The following KIF1B variants were observed in gnomAD, a reference collection of about 807,000 sequenced individuals.
KIF1B encodes kinesin-like protein KIF1B.
In KIF1B, 76 loss-of-function variants were observed where a neutral mutation model predicts 241.9. The observed-to-expected ratio is 0.31, with a 90% confidence interval of 0.26 to 0.38. The LOEUF (loss-of-function observed/expected upper bound fraction) is 0.38. Among genes scored for constraint, KIF1B ranks in the 10% least tolerant of loss-of-function variants. The probability of loss-of-function intolerance (pLI) is 1.00; values close to 1 mark genes in which losing one functional copy is unlikely to be tolerated. For synonymous variants in KIF1B, 750 were observed against 796.7 expected (o/e 0.94, Z 0.99); for missense variants, 1,622 against 2,271.4 (o/e 0.71, Z 5.81).
In KIF1B at chr1:10,269,514, CA is replaced by C. The variant is rs1324325927; in HGVS notation, c.720+1266del. On this transcript the variant is annotated intron_variant, in intron 7 of 48. Coordinates refer to ENST00000676179, the MANE Select transcript of KIF1B (RefSeq NM_001365951.3). ...TGGGTGACAGAGCGAGACTCTGTCT[CA>C]AAAAAAAAAAAAAACACACTCCTAC... 6.1e-3 allele frequency among the ~76,000 whole-genome samples: 497 copies of C among 80,918 alleles called. 3 individuals carry two copies. In the Middle Eastern group the frequency reaches 0.081, roughly 13 times the overall value. 53.1% of individuals were successfully genotyped at this position (80,918 alleles called of 152,430 possible).
chr1:10,308,106 C>G, intron 22 of KIF1B: 1 of 1,060,656 alleles, frequency 9.4e-7, no homozygotes, highest in Non-Finnish European at 1.1e-6. Flanking sequence ...CATAGACTTC[C>G]TGCAGTCAGC....
At chr1:10,242,795 G>A (rs1241057119) in intron 2 of KIF1B, among the ~76,000 whole-genome samples, 2 of 152,138 alleles carry the variant, frequency 1.3e-5, no homozygotes, top group African/African-American at 2.4e-5. Flanking sequence ...GATTACAGGC[G>A]TGAACCACTG....
rs796735466 is a variant in KIF1B, at chr1:10,295,871, A to G, written c.1777+105A>G. On this transcript the variant is annotated intron_variant, in intron 19 of 48. Coordinates refer to ENST00000676179, the MANE Select transcript of KIF1B (RefSeq NM_001365951.3). ...GTCTATCAGTAGTACTTTCTTATAC[A>G]ATCTAATTCTGAAAAATGGAGAGAC... 4.0e-6 allele frequency: 4 copies of G among 995,832 alleles called. No homozygotes were observed. The African/African-American group carries it at 4.8e-5, about 12-fold the overall frequency. 61.7% of individuals were successfully genotyped at this position (995,832 alleles called of 1,614,324 possible).
At position 10,334,615 on chromosome 1, in the gene KIF1B, G is replaced by T. The variant is rs145494902; in HGVS notation, c.3020G>T (p.Arg1007Leu). ...AAAGGTGAAGTGCGGGGATTTCTGC[G>T]TGTGGCTGTACAGGCCATCGCAGGT... ...SEKGEVRGFLRVAVQAIAADE... is the reference protein window; with the variant it reads ...SEKGEVRGFLLVAVQAIAADE... The change falls in exon 28 of 49, where the codon CGT becomes CTT. Residue 1007 changes from arginine to leucine, a missense_variant. Physicochemically the swap from Arg to Leu is moderately radical, Grantham distance 102 (BLOSUM62 -2). Transcript: ENST00000676179. The T allele has an allele frequency of 2.0e-5, 33 of 1,613,662 alleles. No individual in the cohort carries two copies. The highest frequency in any genetic ancestry group is 3.3e-5 in the Admixed American group (2 of 59,992).
At chr1:10,358,102 CA>C (rs541043240) in intron 38 of KIF1B, among the ~76,000 whole-genome samples, 26,900 of 85,086 alleles carry the variant, frequency 0.32, 2,708 homozygotes, top group African/African-American at 0.43. Flanking sequence ...AAGTCCAAAG[CA>C]AAAAAAAAAA....
At chr1:10,258,882 A>G (rs547081135) in intron 4 of KIF1B, among the ~76,000 whole-genome samples, 1 of 152,346 alleles carries the variant, frequency 6.6e-6, no homozygotes, top group African/African-American at 2.4e-5. Flanking sequence ...AAGGTGGGAA[A>G]GTCAGTGTTT....
chr1:10,283,511 A>T (rs1207937736), intron 15 of KIF1B, among the ~76,000 whole-genome samples: 1 of 152,236 alleles, frequency 6.6e-6, no homozygotes, highest in Non-Finnish European at 1.5e-5. Context: ...GAAAGTTAAG[A>T]GCAGCAGAGC....
Position 10,301,653 on chromosome 1 carries a change from C to G in KIF1B, c.2115+4407C>G, listed in dbSNP as rs561558640. ...CCAGCCTGGGCGACAGAGCAAGATTCTGTCTCAAAAAAAAAAGAAACAAAG... is the reference window on the plus strand; with the variant it reads ...CCAGCCTGGGCGACAGAGCAAGATTGTGTCTCAAAAAAAAAAGAAACAAAG... On this transcript the variant is annotated intron_variant, in intron 22 of 48. Transcript: ENST00000676179. 2.0e-5 allele frequency among the ~76,000 whole-genome samples: 3 copies of G among 151,820 alleles called. No individual in the cohort carries two copies. The South Asian group carries it at 6.2e-4, about 31-fold the overall frequency.
intron 2 of KIF1B, among the ~76,000 whole-genome samples, chr1:10,247,915 CG>C (rs1647255497): frequency 6.6e-6 from 1 of 152,008 alleles, no homozygotes; most frequent in Non-Finnish European, 1.5e-5. Flanking sequence ...TCATAAGGAG[CG>C]GGCAACCTAG....
In KIF1B at chr1:10,273,030, A is replaced by G; in HGVS notation, c.881A>G (p.Lys294Arg). The change falls in exon 10 of 49, where the codon AAG (lysine) becomes AGG (arginine). Residue 294 changes from lysine (K) to arginine (R), a missense_variant and splice_region_variant. Lys to Arg is a conservative substitution (Grantham distance 26, BLOSUM62 2). Around this residue, in one of 7 missense-constraint regions of KIF1B, gnomAD observed 201 missense variants for 301.2 expected, o/e 0.67. Coordinates refer to ENST00000676179, the MANE Select transcript of KIF1B (RefSeq NM_001365951.3). Reference protein sequence around the residue: ...ALAEVDNCTSKSKKKKKTDFI... With the variant: ...ALAEVDNCTSRSKKKKKTDFI... ...CACCTGTAGGATAACTGCACTAGCAAGGTACAGTGGGGATTGGTAGAGATA... is the reference window on the plus strand; with the variant it reads ...CACCTGTAGGATAACTGCACTAGCAGGGTACAGTGGGGATTGGTAGAGATA... 6.5e-7 allele frequency: 1 copy of G among 1,546,038 alleles called. No homozygotes were observed. The highest frequency in any genetic ancestry group is 1.2e-5 in the South Asian group (1 of 83,716).
chr1:10,278,690 A>G (rs907238497), intron 13 of KIF1B: 1 of 187,924 alleles, frequency 5.3e-6, no homozygotes, highest in Admixed American at 5.3e-5. Context: ...CTACACTTCC[A>G]GAGAGTATTG....
At chr1:10,287,300 G>A (rs964381944) in intron 15 of KIF1B, among the ~76,000 whole-genome samples, 11 of 152,114 alleles carry the variant, frequency 7.2e-5, no homozygotes, top group Admixed American at 2.0e-4. Context: ...AGGTTCAAGC[G>A]AATCTCCTGC....
In KIF1B at chr1:10,291,095, T is replaced by C. The variant is rs749601211; in HGVS notation, c.1448T>C (p.Ile483Thr). The change falls in exon 16 of 49, where the codon ATC becomes ACC. Residue 483 changes from isoleucine to threonine, a missense_variant. Transcript: ENST00000676179. ...TTCCTTCCTTAGGAATCAGAGAAGATCATTGCTGAGTTGAATGAAACTTGG... is the reference window on the plus strand; with the variant it reads ...TTCCTTCCTTAGGAATCAGAGAAGACCATTGCTGAGTTGAATGAAACTTGG... The part of the protein sequence containing the change: ...AIERLKESEK[I>T]IAELNETWEE... 2 of 1,613,252 alleles carry C rather than the reference T, an allele frequency of 1.2e-6. No homozygotes were observed. Among genetic ancestry groups the C allele is most frequent in the Non-Finnish European group, 1.7e-6 (2 of 1,179,530 alleles).
rs754866526 is a variant in KIF1B, at chr1:10,271,592, G to A, written c.798+13G>A. On this transcript the variant is annotated intron_variant, in intron 8 of 48. Transcript: ENST00000676179. Reference sequence around the variant, plus strand: ...GACTCGATTAAAGGTATTTATTTTAGCAAATAAATGGCCTGATCAATAAAT... The same window carrying A: ...GACTCGATTAAAGGTATTTATTTTAACAAATAAATGGCCTGATCAATAAAT... 6.4e-7 allele frequency: 1 copy of A among 1,573,106 alleles called. No homozygotes were observed. The highest frequency in any genetic ancestry group is 1.1e-5 in the South Asian group (1 of 90,266).
chr1:10,364,200 C>CTTTTTTTTCTT (rs1449980463), intron 41 of KIF1B, among the ~76,000 whole-genome samples: 4 of 113,850 alleles, frequency 3.5e-5, no homozygotes, highest in African/African-American at 1.4e-4. Flanking sequence ...GGGACAGGAT[C>CTTTTTTTTCTT]TTTTTTTTTT....
At chr1:10,345,478 G>C (rs1184866518) in intron 34 of KIF1B, 1 of 305,084 alleles carries the variant, frequency 3.3e-6, no homozygotes, top group Non-Finnish European at 6.3e-6. Context: ...TGTGACGTGA[G>C]GCTTTCCAAG....
rs1228367459 is a variant in KIF1B, at chr1:10,371,247, A to G, written c.4931A>G (p.Asn1644Ser). 5.6e-6 allele frequency: 9 copies of G among 1,613,938 alleles called. No individual in the cohort carries two copies. Among genetic ancestry groups the G allele is most frequent in the African/African-American group, 1.3e-5 (1 of 74,866 alleles). Residue 1644 changes from asparagine to serine, a missense_variant, in exon 45 of 49, where the codon AAC (asparagine) becomes AGC (serine). Asn to Ser is a conservative substitution (Grantham distance 46, BLOSUM62 1). This residue lies in a region of KIF1B where 357 missense variants were observed against 409.0 expected (regional missense o/e 0.87). Transcript: ENST00000676179. ...TCPSLVDSRS[N>S]SLDQKTPEAN... ...CCCTCTCTGGTAGACTCTAGGAGCA[A>G]CTCTCTGGATCAGAAGTAAGTACCC...
At chr1:10,349,637 T>C (rs1371734275) in intron 37 of KIF1B, among the ~76,000 whole-genome samples, 21 of 151,636 alleles carry the variant, frequency 1.4e-4, no homozygotes, top group East Asian at 3.9e-4. Context: ...TTTTTTTTTT[T>C]CCAGACACAA....
chr1:10,256,621 AG>A (rs1456015380), intron 3 of KIF1B, among the ~76,000 whole-genome samples: 3 of 151,762 alleles, frequency 2.0e-5, no homozygotes, highest in Admixed American at 6.6e-5. Flanking sequence ...ACATTTCTTG[AG>A]GATTTATTTA....
Sources: allele counts gnomAD v4.1 joint callset (sites outside exome capture counted in the v4.1 genomes callset), GRCh38; gene constraint gnomAD v4.1.1; regional missense constraint gnomAD v4.1.1; transcripts MANE v1.5; gene names NCBI Gene and HGNC (gene_info 2026-07-23, HGNC 2026-07-21).